Variants in LIMCH1 observed in about 807,000 individuals in gnomAD.
LIMCH1 encodes the protein LIM and calponin homology domains-containing protein 1.
Under a neutral mutation model 176.5 loss-of-function variants are expected in LIMCH1, and 113 were observed. The observed-to-expected ratio is 0.64, with a 90% CI of 0.55 to 0.75. LIMCH1 has a LOEUF of 0.75. LIMCH1 is among the 30% of genes least tolerant of loss of function. The pLI, the probability that LIMCH1 is intolerant of heterozygous loss-of-function variation, is 0.00. For missense variants in LIMCH1, 1,674 were observed against 1,814.9 expected (o/e 0.92, Z 1.41); for synonymous variants, 619 against 645.9 (o/e 0.96, Z 0.63).
intron 18 of LIMCH1, among the ~76,000 whole-genome samples, chr4:41,658,069 G>A (rs28473391): frequency 0.57 from 86,022 of 151,948 alleles, 25,653 homozygotes; most frequent in African/African-American, 0.72. Context: ...CAGGTGGTGG[G>A]ACATTGAGGT....
intron 1 of LIMCH1, among the ~76,000 whole-genome samples, chr4:41,588,563 C>T (rs1251486055): frequency 6.6e-6 from 1 of 152,178 alleles, no homozygotes; most frequent in East Asian, 1.9e-4. Context: ...TAATATTCCC[C>T]TCTTCCTCTT....
intron 3 of LIMCH1, among the ~76,000 whole-genome samples, chr4:41,527,323 G>C (rs973540741): frequency 6.6e-6 from 1 of 152,174 alleles, no homozygotes; most frequent in African/African-American, 2.4e-5. Context: ...CCTGCAAGTG[G>C]TTTCGTATTC....
intron 3 of LIMCH1, among the ~76,000 whole-genome samples, chr4:41,526,528 A>G (rs2076673060): frequency 6.7e-6 from 1 of 150,300 alleles, no homozygotes; most frequent in South Asian, 2.1e-4. Context: ...CCATCCCGCA[A>G]CCCCCTGTTA....
intron 31 of LIMCH1, among the ~76,000 whole-genome samples, chr4:41,696,780 C>A (rs1010504620): frequency 2.0e-5 from 3 of 152,098 alleles, no homozygotes; most frequent in African/African-American, 7.2e-5. Context: ...GAAATCAAAA[C>A]CTAAGGAAAC....
rs533900594 is a variant in LIMCH1, at chr4:41,479,544, G to A, written c.97-14992G>A. ...TGGGATTACAGGCGTGAGCCACCGCGCCCAGCATCACTCTTAATAAGGTGA... is the reference window on the plus strand; with the variant it reads ...TGGGATTACAGGCGTGAGCCACCGCACCCAGCATCACTCTTAATAAGGTGA... On this transcript the variant is annotated intron_variant, in intron 1 of 26. Transcript: ENST00000313860. 3.2e-4 allele frequency among the ~76,000 whole-genome samples: 49 copies of A among 152,248 alleles called. No homozygotes were observed. In the South Asian group the frequency reaches 5.6e-3, roughly 17 times the overall value.
intron 18 of LIMCH1, among the ~76,000 whole-genome samples, chr4:41,653,346 A>G (rs1339280743): frequency 1.3e-5 from 2 of 151,734 alleles, no homozygotes; most frequent in African/African-American, 4.8e-5. Flanking sequence ...TAAAAAAAAA[A>G]AAAAAGGAAT....
At chr4:41,682,506 T>A in intron 26 of LIMCH1, 46 bp downstream of exon 26, 1 of 1,593,308 alleles carries the variant, frequency 6.3e-7, no homozygotes, top group Non-Finnish European at 8.5e-7. Flanking sequence ...AAAGCTGGGC[T>A]CTGCTCGTGC....
In LIMCH1 at chr4:41,620,703, C is replaced by A; in HGVS notation, c.725+13C>A. 6.6e-7 allele frequency: 1 copy of A among 1,524,714 alleles called. No homozygotes were observed. Among genetic ancestry groups the A allele is most frequent in the Non-Finnish European group, 8.8e-7 (1 of 1,139,672 alleles). 94.4% of individuals were successfully genotyped at this position (1,524,714 alleles called of 1,614,324 possible). ...AGCGCTTTGCCAGGTCAGCTCTGGGCTGAGGGCTGGCCCGGCTGGCTTTCT... is the reference window on the plus strand; with the variant it reads ...AGCGCTTTGCCAGGTCAGCTCTGGGATGAGGGCTGGCCCGGCTGGCTTTCT... On this transcript the variant is annotated intron_variant, in intron 7 of 31. Transcript: ENST00000503057.
chr4:41,622,557 A>C (rs1410940978), intron 7 of LIMCH1, among the ~76,000 whole-genome samples: 1 of 152,196 alleles, frequency 6.6e-6, no homozygotes, highest in East Asian at 1.9e-4. Flanking sequence ...ACACTCAGGA[A>C]TAATGGTCAC....
chr4:41,497,113 C>T (rs1467193654), intron 2 of LIMCH1, among the ~76,000 whole-genome samples: 3 of 152,138 alleles, frequency 2.0e-5, no homozygotes, highest in Non-Finnish European at 2.9e-5. Context: ...TTGTGTTATT[C>T]AAAATAGAAG....
chr4:41,685,915 T>C lies in LIMCH1; in HGVS notation c.4088+85T>C, dbSNP rs1165302874. On this transcript the variant is annotated intron_variant, in intron 28 of 31. Transcript: ENST00000503057. The stretch of plus-strand genomic sequence containing the variant: ...AGGGAGAAGAATGAAAAATGTGAGA[T>C]GGCAAGAGGACAGCAGCATTTTTGT... 9.9e-6 allele frequency: 14 copies of C among 1,420,320 alleles called. No homozygotes were observed. The East Asian group carries it at 2.6e-4, about 27-fold the overall frequency. 88.0% of individuals were successfully genotyped at this position (1,420,320 alleles called of 1,614,324 possible).
At chr4:41,577,316 C>T (rs2084656716) in intron 1 of LIMCH1, among the ~76,000 whole-genome samples, 1 of 151,824 alleles carries the variant, frequency 6.6e-6, no homozygotes, top group African/African-American at 2.4e-5. Context: ...TAGGAAAGCC[C>T]AGAATTTTAG....
At chr4:41,410,156 G>T (rs923295661) in intron 1 of LIMCH1, among the ~76,000 whole-genome samples, 1 of 152,170 alleles carries the variant, frequency 6.6e-6, no homozygotes, top group Non-Finnish European at 1.5e-5. Flanking sequence ...AGTCAGGGCT[G>T]ATTTTAGCAG....
chr4:41,516,399 A>G (rs569969957), intron 2 of LIMCH1, among the ~76,000 whole-genome samples: 1 of 152,356 alleles, frequency 6.6e-6, no homozygotes, highest in African/African-American at 2.4e-5. Context: ...GTGAAGCATC[A>G]TAGAAAAGCA....
chr4:41,581,112 G>GTCTATCTATCTATCTATCTATCTATCTA (rs1554109824), intron 1 of LIMCH1, among the ~76,000 whole-genome samples: 4 of 132,900 alleles, frequency 3.0e-5, no homozygotes, highest in African/African-American at 6.6e-5. Flanking sequence ...CTGTCTGTCT[G>GTCTATCTATCTATCTATCTATCTATCTA]TCTATCTATC....
intron 1 of LIMCH1, among the ~76,000 whole-genome samples, chr4:41,402,498 A>G (rs2154118270): frequency 7.0e-6 from 1 of 143,212 alleles, no homozygotes; most frequent in South Asian, 2.4e-4. Context: ...AGGACTATAA[A>G]TCATGCTGCT....
rs1409059438 is a variant in LIMCH1 at position 41,671,675 on chromosome 4, C to T, written c.3438+81C>T. On this transcript the variant is annotated intron_variant, in intron 22 of 31. Transcript: ENST00000503057. The stretch of plus-strand genomic sequence containing the variant: ...ACATTTGATTGGCTCAAAGAGTATT[C>T]AGGCCGGGTGCAGGCGGTGGCTCAC... 5.3e-6 allele frequency: 6 copies of T among 1,134,432 alleles called. No homozygotes were observed. The East Asian group carries it at 7.1e-5, about 13-fold the overall frequency. 70.3% of individuals were successfully genotyped at this position (1,134,432 alleles called of 1,614,324 possible).
At chr4:41,360,704 G>A, upstream of LIMCH1, 1 of 487,266 alleles carries the variant, frequency 2.1e-6, no homozygotes, top group Non-Finnish European at 3.3e-6. This position sits in a 1 kb window ranked among gnomAD's most constrained non-coding sequence, Gnocchi z 4.5. Context: ...GCTCTCCCGG[G>A]ACCTGCGCCG....
Position 41,685,779 on chromosome 4 carries a change from C to G in LIMCH1, c.4037C>G (p.Pro1346Arg), listed in dbSNP as rs191390776. 95 of 1,613,440 alleles carry G rather than the reference C, an allele frequency of 5.9e-5. No individual in the cohort carries two copies. The highest frequency in any genetic ancestry group is 7.7e-5 in the Non-Finnish European group (91 of 1,179,680). Residue 1346 changes from proline (P) to arginine (R), a missense_variant, in exon 28 of 32, where the codon CCG becomes CGG. Physicochemically the swap from Pro to Arg is moderately radical, Grantham distance 103. Transcript: ENST00000503057. ...GAAGATGTGAAGCCAAAAACCCTCC[C>G]GCTGGATAAAAGCATTAACCATCAG... is the stretch of plus-strand genomic sequence containing the variant. ...SSEDVKPKTL[P>R]LDKSINHQIE...
Sources: gnomAD v4.1 joint callset for allele counts (sites outside exome capture counted in the v4.1 genomes callset) on GRCh38, gnomAD v4.1.1 for gene constraint, Gnocchi (gnomAD v3.1) non-coding constraint, MANE v1.5 for transcripts, NCBI Gene and HGNC (gene_info 2026-07-23, HGNC 2026-07-21) for gene names.